KIF2C: variants seen among roughly 807,000 people sequenced by gnomAD.
KIF2C encodes kinesin-like protein KIF2C.
A neutral mutation model predicts 97.4 loss-of-function variants in KIF2C; 34 were observed. The observed-to-expected ratio is 0.35, with a 90% CI of 0.27 to 0.46. The LOEUF is 0.46. Among genes scored for constraint, KIF2C ranks in the 20% least tolerant of loss-of-function variants. KIF2C has a pLI of 1.00. For synonymous variants in KIF2C, 313 were observed against 318.2 expected (o/e 0.98, Z 0.17); for missense variants, 750 against 907.6 (o/e 0.83, Z 2.23).
chr1:44,760,791 C>A lies in KIF2C; in HGVS notation c.1683+89C>A. On this transcript the variant is annotated intron_variant, in intron 16 of 20. Transcript: ENST00000372224. This position sits in a 1 kb window ranked among gnomAD's most constrained non-coding sequence, Gnocchi z 4.2. The stretch of plus-strand genomic sequence containing the variant: ...CTTAGTCCTGTCCCTGGGCTGGAAG[C>A]TCAGCACTGCTGGCTGCCTGGGTTT... 9.3e-7 allele frequency: 1 copy of A among 1,078,776 alleles called. No homozygotes were observed. Among genetic ancestry groups the A allele is most frequent in the Non-Finnish European group, 1.4e-6 (1 of 718,822 alleles). 66.8% of individuals were successfully genotyped at this position (1,078,776 alleles called of 1,614,324 possible).
In KIF2C at chr1:44,762,358, G is replaced by A. The variant is rs142810501; in HGVS notation, c.1764G>A (p.Leu588=). 151 of 1,613,892 alleles carry A rather than the reference G, an allele frequency of 9.4e-5. No homozygotes were observed. The highest frequency in any genetic ancestry group is 1.1e-4 in the Non-Finnish European group (132 of 1,179,910). ...TLRYADRVKE[L]SPHSGPSGEQ... ...CTTGTTTCCTCAGGGTCAAGGAGCT[G>A]AGCCCCCACAGTGGGCCCAGTGGAG... The change falls in exon 18 of 21, where the codon CTG becomes CTA. Residue 588 remains leucine (L), a synonymous_variant. Coordinates refer to ENST00000372224, the MANE Select transcript of KIF2C (RefSeq NM_006845.4).
At chr1:44,743,445 A>G (rs1309313477) in intron 2 of KIF2C, among the ~76,000 whole-genome samples, 2 of 152,176 alleles carry the variant, frequency 1.3e-5, no homozygotes, top group East Asian at 1.9e-4. Flanking sequence ...ATTGGGTGCT[A>G]GGGATACAGA....
intron 6 of KIF2C, 78 bp from the exon 7 acceptor site, chr1:44,753,655 C>T: frequency 1.0e-6 from 1 of 962,296 alleles, no homozygotes; most frequent in Non-Finnish European, 1.6e-6. Context: ...CAGTAAATAG[C>T]CAGAGAAGAG....
intron 19 of KIF2C, among the ~76,000 whole-genome samples, chr1:44,764,840 C>G (rs1650366601): frequency 6.6e-6 from 1 of 152,180 alleles, no homozygotes; most frequent in Admixed American, 6.5e-5. Context: ...AATCATTTGA[C>G]CGGGCGCAAT....
intron 19 of KIF2C, 48 bp from the exon 20 acceptor site, chr1:44,766,778 G>T (rs1431369913): frequency 6.2e-7 from 1 of 1,602,774 alleles, no homozygotes; most frequent in Admixed American, 1.7e-5. Context: ...CCCCAGGAAT[G>T]ATTTGCTAAA....
In KIF2C at chr1:44,758,052, G is replaced by C; in HGVS notation, c.1136G>C (p.Arg379Pro). 1 of 1,614,128 alleles carries C rather than the reference G, an allele frequency of 6.2e-7. No homozygotes were observed. Among genetic ancestry groups the C allele is most frequent in the Non-Finnish European group, 8.5e-7 (1 of 1,180,010 alleles). ...ASKGIYAMAS[R>P]DVFLLKNQPC... ...TTAGCAAAGTTCTCTCCCTCAGCCC[G>C]GGACGTCTTCCTCCTGAAGAATCAA... is the stretch of plus-strand genomic sequence containing the variant. Residue 379 changes from arginine to proline, a missense_variant, in exon 13 of 21, where the codon CGG (arginine) becomes CCG (proline). Transcript: ENST00000372224.
chr1:44,757,489 G>A, intron 10 of KIF2C, 67 bp from the exon 11 acceptor site: 2 of 1,004,026 alleles, frequency 2.0e-6, no homozygotes, highest in Non-Finnish European at 3.2e-6. Context: ...TGCAGTGGAA[G>A]GGTGGCAGGA....
intron 2 of KIF2C, among the ~76,000 whole-genome samples, chr1:44,742,782 A>G (rs1249646271): frequency 6.6e-6 from 1 of 152,156 alleles, no homozygotes; most frequent in East Asian, 1.9e-4. Flanking sequence ...TGCTTGCCCA[A>G]GCTAGGTTCT....
At chr1:44,752,748 C>T (rs74070593) in intron 5 of KIF2C, among the ~76,000 whole-genome samples, 3,030 of 152,266 alleles carry the variant, frequency 0.02, 51 homozygotes, top group Admixed American at 0.044. Flanking sequence ...AGTCTTTGCT[C>T]CTGTTAACCA....
At chr1:44,753,324 C>G in intron 6 of KIF2C, 70 bp downstream of exon 6, 1 of 1,507,194 alleles carries the variant, frequency 6.6e-7, no homozygotes, top group African/African-American at 1.4e-5. Context: ...TGTCCTAAAC[C>G]TGGCCTACCT....
Position 44,767,193 on chromosome 1 carries a change from A to T in KIF2C, c.*14A>T. The stretch of plus-strand genomic sequence containing the variant: ...CGGCCCCAGTGACGACTGCAAATAA[A>T]AATCTGTTTGGTTTGACACCCAGCC... On this transcript the variant is annotated 3_prime_UTR_variant, in exon 21 of 21. Transcript: ENST00000372224. The T allele has an allele frequency of 6.2e-7, 1 of 1,613,004 alleles. No individual in the cohort carries two copies. The highest frequency in any genetic ancestry group is 1.1e-5 in the South Asian group (1 of 91,012).
Position 44,762,369 on chromosome 1 carries a change from G to T in KIF2C, c.1775G>T (p.Ser592Ile). Residue 592 changes from serine to isoleucine, a missense_variant, in exon 18 of 21, where the codon AGT becomes ATT. Ser to Ile is a moderately radical substitution (Grantham distance 142, BLOSUM62 -2). Transcript: ENST00000372224. ...ADRVKELSPH[S>I]GPSGEQLIQM... is the part of the protein sequence containing the mutation. ...AGGGTCAAGGAGCTGAGCCCCCACA[G>T]TGGGCCCAGTGGAGAGCAGTTGATT... The T allele has an allele frequency of 6.2e-7, 1 of 1,614,160 alleles. No individual in the cohort carries two copies. Among genetic ancestry groups the T allele is most frequent in the Non-Finnish European group, 8.5e-7 (1 of 1,180,016 alleles).
At position 44,755,931 on chromosome 1, in the gene KIF2C, C is replaced by A. The variant is rs148910151; in HGVS notation, c.762C>A (p.Ile254=). 44 of 1,613,688 alleles carry A rather than the reference C, an allele frequency of 2.7e-5. No homozygotes were observed. Among genetic ancestry groups the A allele is most frequent in the Non-Finnish European group, 3.5e-5 (41 of 1,179,924 alleles). Residue 254 remains isoleucine, a splice_region_variant and synonymous_variant, in exon 9 of 21, where the codon ATC becomes ATA. Coordinates refer to ENST00000372224, the MANE Select transcript of KIF2C (RefSeq NM_006845.4). ...ECHPLTMTDP[I]EEHRICVCVR... The stretch of plus-strand genomic sequence containing the variant: ...TGCCTCCTCTCATCCGCTTGCAGAT[C>A]GAAGAGCACAGAATATGTGTCTGTG...
At chr1:44,746,882 G>GT in intron 2 of KIF2C, 6 of 1,025,000 alleles carry the variant, frequency 5.9e-6, no homozygotes, top group East Asian at 2.8e-5. Context: ...TTTCTATGTT[G>GT]TTTTTTTGTT....
At chr1:44,764,756 G>A (rs1035656447) in intron 19 of KIF2C, among the ~76,000 whole-genome samples, 15 of 151,862 alleles carry the variant, frequency 9.9e-5, no homozygotes, top group East Asian at 2.0e-4. Flanking sequence ...TGATCCTCCC[G>A]CCCCGACCTC....
chr1:44,747,262 C>T (rs948606984), intron 2 of KIF2C, 122 bp from the exon 3 acceptor site: 54 of 760,386 alleles, frequency 7.1e-5, no homozygotes, highest in Non-Finnish European at 6.5e-5. Context: ...GAACCAAGAT[C>T]GCACCACTGC....
Position 44,766,069 on chromosome 1 carries a change from T to TA in KIF2C, c.1972-754dup, listed in dbSNP as rs561700804. 6.7e-5 allele frequency among the ~76,000 whole-genome samples: 10 copies of TA among 150,358 alleles called. No homozygotes were observed. The South Asian group carries it at 2.1e-3, about 32-fold the overall frequency. ...CCGTCTTAAAGAAAAAATAAATAAATAAATAAATTAGCTGGCTATGGTGGT... is the reference window on the plus strand; with the variant it reads ...CCGTCTTAAAGAAAAAATAAATAAATAAAATAAATTAGCTGGCTATGGTGGT... On this transcript the variant is annotated intron_variant, in intron 19 of 20. Transcript: ENST00000372224.
At chr1:44,740,799 T>TTTA in intron 1 of KIF2C, 114 bp from the exon 2 acceptor site, 1 of 404,750 alleles carries the variant, frequency 2.5e-6, no homozygotes, top group South Asian at 3.8e-5. Flanking sequence ...TTTTTTTTTT[T>TTTA]AAGGTAGCTG....
At chr1:44,756,376 C>CTTTG in intron 10 of KIF2C, 139 bp downstream of exon 10, 1 of 892,132 alleles carries the variant, frequency 1.1e-6, no homozygotes. Flanking sequence ...GGGTCACACC[C>CTTTG]TTTGGCAGCT....
Sources: allele counts gnomAD v4.1 joint callset (sites outside exome capture counted in the v4.1 genomes callset), GRCh38; gene constraint gnomAD v4.1.1; non-coding constraint Gnocchi (gnomAD v3.1); transcripts MANE v1.5; gene names NCBI Gene and HGNC (gene_info 2026-07-23, HGNC 2026-07-21).